RAP1GAP2: variants seen among roughly 807,000 people sequenced by gnomAD.
RAP1GAP2 encodes rap1 GTPase-activating protein 2.
RAP1GAP2 carries 27 observed loss-of-function variants against 95.0 expected under a neutral mutation model. The observed-to-expected ratio is 0.28, with a 90% CI of 0.21 to 0.39. RAP1GAP2 has a LOEUF of 0.39. Ranked by LOEUF, RAP1GAP2 falls within the 10% of genes least tolerant of loss-of-function variation. RAP1GAP2 has a pLI of 1.00. For missense variants in RAP1GAP2, 771 were observed against 970.0 expected, an observed-to-expected ratio of 0.79 and a Z score of 2.72; for synonymous variants, 373 against 380.9, an observed-to-expected ratio of 0.98 and a Z score of 0.24.
intron 2 of RAP1GAP2, among the ~76,000 whole-genome samples, chr17:2,889,889 A>ATATATATTTTTTTTTT (rs1408426152): frequency 1.6e-4 from 9 of 57,316 alleles, no homozygotes; most frequent in Non-Finnish European, 2.8e-4. Flanking sequence ...ATATATATAT[A>ATATATATTTTTTTTTT]TTTTTTTTTT....
At chr17:2,989,142 G>A (rs1028853235) in intron 11 of RAP1GAP2, among the ~76,000 whole-genome samples, 1 of 152,136 alleles carries the variant, frequency 6.6e-6, no homozygotes, top group Non-Finnish European at 1.5e-5. Context: ...CACCAGCAGT[G>A]TATGAGTGAT....
chr17:2,970,935 T>C (rs918579286), intron 8 of RAP1GAP2, among the ~76,000 whole-genome samples: 4 of 152,076 alleles, frequency 2.6e-5, no homozygotes, highest in Non-Finnish European at 5.9e-5. Context: ...CTCAGGAGGC[T>C]GAGGCAGGAG....
In RAP1GAP2 at chr17:2,954,758, T is replaced by C. The variant is rs563428307; in HGVS notation, c.166-3001T>C. 5.9e-5 allele frequency among the ~76,000 whole-genome samples: 9 copies of C among 151,722 alleles called. No homozygotes were observed. In the South Asian group the frequency reaches 1.9e-3, roughly 32 times the overall value. On this transcript the variant is annotated intron_variant, in intron 3 of 24. Transcript: ENST00000254695. ...ACAGGTACCCGCCGCCAAGCCCAGC[T>C]AATTTTTGTATTTTTAGTAGAGACG...
intron 14 of RAP1GAP2, among the ~76,000 whole-genome samples, chr17:2,999,809 A>G (rs1433948986): frequency 2.6e-5 from 4 of 152,004 alleles, no homozygotes; most frequent in African/African-American, 7.2e-5. Context: ...GAACAAAACA[A>G]AATAAAACAA....
chr17:2,889,889 A>AT (rs3039128), intron 2 of RAP1GAP2, among the ~76,000 whole-genome samples: 581 of 57,306 alleles, frequency 0.01, 21 homozygotes, highest in African/African-American at 0.036. Context: ...ATATATATAT[A>AT]TTTTTTTTTT....
At chr17:2,985,835 G>T (rs969589386) in intron 11 of RAP1GAP2, among the ~76,000 whole-genome samples, 2 of 152,040 alleles carry the variant, frequency 1.3e-5, no homozygotes, top group African/African-American at 4.8e-5. Context: ...TTATAACTTT[G>T]TTGAACTTAG....
At position 3,005,658 on chromosome 17, in the gene RAP1GAP2, G is replaced by A. The variant is rs2046309598; in HGVS notation, c.1272+218G>A. ...CCACTTGTCAGGGTGTTTGACACTG[G>A]GGTTGCTTTTCTGCTGAAAGACGGG... On this transcript the variant is annotated intron_variant, in intron 15 of 24. Coordinates refer to ENST00000254695, the MANE Select transcript of RAP1GAP2 (RefSeq NM_015085.5). The surrounding 1 kb of genome is among the most constrained non-coding windows in gnomAD (Gnocchi z 5.2). 6.6e-6 allele frequency among the ~76,000 whole-genome samples: 1 copy of A among 152,150 alleles called. No individual in the cohort carries two copies. Among genetic ancestry groups the A allele is most frequent in the Non-Finnish European group, 1.5e-5 (1 of 68,032 alleles).
intron 3 of RAP1GAP2, among the ~76,000 whole-genome samples, chr17:2,924,709 G>A (rs1398414304): frequency 6.6e-6 from 1 of 152,106 alleles, no homozygotes; most frequent in Non-Finnish European, 1.5e-5. Context: ...CCTCAAATAT[G>A]TTTTGTTTGG....
chr17:3,020,627 A>T (rs1467170735), intron 19 of RAP1GAP2, 32 bp downstream of exon 19: 2 of 1,582,742 alleles, frequency 1.3e-6, no homozygotes, highest in African/African-American at 2.7e-5. Context: ...CCCCAGCCTG[A>T]CTTGCGGGGT....
chr17:2,773,264 C>T (rs141022629), upstream of RAP1GAP2, among the ~76,000 whole-genome samples: 84 of 152,266 alleles, frequency 5.5e-4, no homozygotes, highest in East Asian at 0.014. Flanking sequence ...ACAAGGAAGA[C>T]GTGGACGATC....
At chr17:2,955,792 A>G (rs770375425) in intron 3 of RAP1GAP2, among the ~76,000 whole-genome samples, 2 of 152,160 alleles carry the variant, frequency 1.3e-5, no homozygotes, top group Non-Finnish European at 2.9e-5. Context: ...TGTTCATTTT[A>G]TCGAAGTTAT....
rs150240896 is a variant in RAP1GAP2 at position 2,901,165 on chromosome 17, T to C, written c.81-4119T>C. 6.3e-3 allele frequency among the ~76,000 whole-genome samples: 957 copies of C among 152,286 alleles called. 9 individuals carry two copies. The highest frequency in any genetic ancestry group is 0.021 in the African/African-American group (876 of 41,574). ...GTCCTGGTCTCCCTGAGCCTCCCCA[T>C]CTGCCCTTGGATCTCCTGTGCTTCT... On this transcript the variant is annotated intron_variant, in intron 2 of 24. Transcript: ENST00000254695.
Position 2,905,310 on chromosome 17 carries a change from A to G in RAP1GAP2, c.107A>G (p.Asp36Gly). 1.9e-6 allele frequency: 3 copies of G among 1,613,738 alleles called. No individual in the cohort carries two copies. The highest frequency in any genetic ancestry group is 2.5e-6 in the Non-Finnish European group (3 of 1,179,754). The part of the protein sequence containing the change: ...VKKQELANSS[D>G]ATLPDRPLSP... Reference sequence around the variant, plus strand: ...AAGCAGGAGCTGGCCAACAGCTCGGATGCGACCCTCCCAGACCGGCCGCTC... The same window carrying G: ...AAGCAGGAGCTGGCCAACAGCTCGGGTGCGACCCTCCCAGACCGGCCGCTC... The change falls in exon 3 of 25, where the codon GAT (aspartate) becomes GGT (glycine). Residue 36 changes from aspartate (D) to glycine (G), a missense_variant. By Grantham distance (94) the Asp-to-Gly change is moderately conservative. Coordinates refer to ENST00000254695, the MANE Select transcript of RAP1GAP2 (RefSeq NM_015085.5).
At chr17:2,979,684 C>T (rs1567850522) in intron 8 of RAP1GAP2, among the ~76,000 whole-genome samples, 2 of 150,278 alleles carry the variant, frequency 1.3e-5, no homozygotes, top group African/African-American at 4.9e-5. Flanking sequence ...CCAGGCTGGT[C>T]TCGAACTCCT....
chr17:3,010,525 C>T (rs1359145262), intron 17 of RAP1GAP2, among the ~76,000 whole-genome samples: 1 of 152,090 alleles, frequency 6.6e-6, no homozygotes, highest in African/African-American at 2.4e-5. Context: ...AGGCTGTGGA[C>T]ACTCTGCCCA....
chr17:2,934,187 A>G (rs2043236549), intron 3 of RAP1GAP2, among the ~76,000 whole-genome samples: 1 of 152,180 alleles, frequency 6.6e-6, no homozygotes, highest in East Asian at 1.9e-4. Context: ...GCTGGAGTGC[A>G]ATGGCACGAT....
intron 3 of RAP1GAP2, among the ~76,000 whole-genome samples, chr17:2,934,473 A>G (rs188514486): frequency 3.9e-5 from 6 of 152,382 alleles, no homozygotes; most frequent in African/African-American, 1.4e-4. Context: ...CTTGCAGAAA[A>G]GAAGAATGAT....
Position 3,027,312 on chromosome 17 carries a change from T to A in RAP1GAP2, c.2107+242T>A, listed in dbSNP as rs1413356533. On this transcript the variant is annotated intron_variant, in intron 22 of 24. Coordinates refer to ENST00000254695, the MANE Select transcript of RAP1GAP2 (RefSeq NM_015085.5). This position sits in a 1 kb window ranked among gnomAD's most constrained non-coding sequence, Gnocchi z 5.2. ...AGAGAGTTGAAGGCCTTGTGGGAGA[T>A]CCCACAGCGGAGGAGTCGGGATTGG... Among the ~76,000 whole-genome samples, 1 of 152,060 alleles carries A rather than the reference T, an allele frequency of 6.6e-6. No individual in the cohort carries two copies. Among genetic ancestry groups the A allele is most frequent in the East Asian group, 1.9e-4 (1 of 5,180 alleles).
chr17:2,792,569 C>T (rs2068952162), upstream of RAP1GAP2, among the ~76,000 whole-genome samples: 1 of 152,194 alleles, frequency 6.6e-6, no homozygotes, highest in Non-Finnish European at 1.5e-5. Context: ...TCCCCCTTTC[C>T]AGCCCTCAGT....
Sources: allele counts gnomAD v4.1 joint callset (sites outside exome capture counted in the v4.1 genomes callset), GRCh38; gene constraint gnomAD v4.1.1; non-coding constraint Gnocchi (gnomAD v3.1); transcripts MANE v1.5; gene names NCBI Gene and HGNC (gene_info 2026-07-23, HGNC 2026-07-21).